Variants in ANO1 observed in about 807,000 individuals in gnomAD.
The protein encoded by ANO1 is anoctamin-1.
In ANO1, 59 loss-of-function variants were observed where a neutral mutation model predicts 124.0. The ratio of observed to expected loss-of-function variants is 0.48; its 90% CI spans 0.39 to 0.59. The LOEUF (loss-of-function observed/expected upper bound fraction) is 0.59. Ranked by LOEUF, ANO1 falls within the 20% of genes least tolerant of loss-of-function variation. The pLI, the probability that ANO1 is intolerant of heterozygous loss-of-function variation, is 0.00. For synonymous variants in ANO1, 529 were observed against 532.0 expected, an observed-to-expected ratio of 0.99 and a Z score of 0.08; for missense variants, 1,059 against 1,328.0, an observed-to-expected ratio of 0.80 and a Z score of 3.15.
intron 22 of ANO1, 90 bp from the exon 23 acceptor site, chr11:70,179,914 C>T (rs1308291414): frequency 8.1e-6 from 10 of 1,237,898 alleles, no homozygotes; most frequent in Admixed American, 1.7e-5. Context: ...CTGGCCCCTG[C>T]AAGGGTGGTA....
chr11:69,985,450 C>G (rs1856019005), upstream of ANO1, among the ~76,000 whole-genome samples: 1 of 152,194 alleles, frequency 6.6e-6, no homozygotes, highest in Admixed American at 6.5e-5. Context: ...CCTCGTGTGA[C>G]AAATTGACAG....
intron 8 of ANO1, among the ~76,000 whole-genome samples, chr11:70,120,285 C>T (rs934414322): frequency 1.3e-5 from 2 of 152,080 alleles, no homozygotes; most frequent in Non-Finnish European, 2.9e-5. Context: ...TGTAGGAGTA[C>T]TTGGGAGCCC....
At chr11:70,075,277 G>A (rs1351774338), upstream of ANO1, 1 of 152,134 alleles carries the variant, frequency 6.6e-6, no homozygotes, top group Non-Finnish European at 1.5e-5. Flanking sequence ...CCTCCTACCA[G>A]GAAGCCACCC....
At chr11:69,991,829 A>G (rs1011172656) in intron 1 of ANO1, among the ~76,000 whole-genome samples, 1 of 152,222 alleles carries the variant, frequency 6.6e-6, no homozygotes, top group African/African-American at 2.4e-5. Flanking sequence ...AGTGCAGTCT[A>G]TGCAGCTTTA....
intron 1 of ANO1, among the ~76,000 whole-genome samples, chr11:70,018,968 CCAT>C (rs1175397754): frequency 6.6e-6 from 1 of 152,198 alleles, no homozygotes; most frequent in Non-Finnish European, 1.5e-5. Flanking sequence ...CAGTTAGAGT[CCAT>C]GGAAGGGAGA....
intron 19 of ANO1, among the ~76,000 whole-genome samples, chr11:70,164,335 C>T (rs1160436358): frequency 6.6e-6 from 1 of 152,212 alleles, no homozygotes; most frequent in Admixed American, 6.5e-5. Flanking sequence ...GATTATCTGG[C>T]TGTCTGGAGT....
At chr11:70,003,119 G>A (rs1565157998) in intron 1 of ANO1, among the ~76,000 whole-genome samples, 1 of 152,092 alleles carries the variant, frequency 6.6e-6, no homozygotes, top group East Asian at 1.9e-4. Flanking sequence ...ATAAAGAATT[G>A]TTTTTATCAC....
At chr11:70,029,633 T>A (rs1555003596) in intron 1 of ANO1, among the ~76,000 whole-genome samples, 1 of 152,224 alleles carries the variant, frequency 6.6e-6, no homozygotes, top group Non-Finnish European at 1.5e-5. Flanking sequence ...AGGGACAGTG[T>A]GTGTCCCGCT....
chr11:69,983,351 A>G (rs1554996493), upstream of ANO1, among the ~76,000 whole-genome samples: 2 of 152,186 alleles, frequency 1.3e-5, no homozygotes, highest in African/African-American at 4.8e-5. Context: ...CTCGCCAAAA[A>G]GGGAAACCAT....
At chr11:69,978,346 T>A in the ANO1 span, among the ~76,000 whole-genome samples, 1 of 152,084 alleles carries the variant, frequency 6.6e-6, no homozygotes, top group African/African-American at 2.4e-5. Flanking sequence ...TTTTTTCTTG[T>A]TTTTTGGTTT....
At chr11:70,063,192 TATAGGCGTGAGCCACCGCGCCCAGCCG>T (rs1200221474) in intron 1 of ANO1, among the ~76,000 whole-genome samples, 14 of 152,168 alleles carry the variant, frequency 9.2e-5, no homozygotes, top group African/African-American at 3.4e-4. Context: ...GTGCTGGGAT[TATAGGCGTGAGCCACCGCGCCCAGCCG>T]ATAATGATTT....
chr11:69,990,676 C>A (rs1450545047), intron 1 of ANO1, among the ~76,000 whole-genome samples: 2 of 152,202 alleles, frequency 1.3e-5, no homozygotes, highest in African/African-American at 4.8e-5. Flanking sequence ...TTAATTACAG[C>A]AATCCTGTGG....
chr11:70,013,434 G>A (rs1856637210), intron 1 of ANO1, among the ~76,000 whole-genome samples: 1 of 152,060 alleles, frequency 6.6e-6, no homozygotes. Context: ...ATAGAGAAAA[G>A]CACACATGTC....
the ANO1 span, among the ~76,000 whole-genome samples, chr11:69,980,611 A>T: frequency 1.3e-5 from 2 of 151,250 alleles, no homozygotes; most frequent in Non-Finnish European, 2.9e-5. Flanking sequence ...ACAGAGTAAG[A>T]CTGTCTCAAA....
intron 9 of ANO1, among the ~76,000 whole-genome samples, chr11:70,125,129 G>A (rs989633530): frequency 6.6e-6 from 1 of 151,810 alleles, no homozygotes; most frequent in African/African-American, 2.4e-5. Flanking sequence ...GATTACTTGA[G>A]GTCAGGAGTT....
chr11:70,079,646 T>A (rs1051999850), intron 1 of ANO1, among the ~76,000 whole-genome samples: 12 of 152,014 alleles, frequency 7.9e-5, no homozygotes, highest in African/African-American at 2.9e-4. Context: ...GGACAGAAGC[T>A]CCCTTCTACC....
At chr11:70,065,549 C>T (rs1268354037) in intron 1 of ANO1, among the ~76,000 whole-genome samples, 1 of 151,862 alleles carries the variant, frequency 6.6e-6, no homozygotes, top group African/African-American at 2.4e-5. Context: ...GCCTGGCCTT[C>T]CCAACTTCCT....
the ANO1 span, among the ~76,000 whole-genome samples, chr11:69,977,028 G>C: frequency 6.6e-6 from 1 of 152,214 alleles, no homozygotes; most frequent in East Asian, 1.9e-4. Context: ...GCCAGCCCCA[G>C]GCGGTCTGAT....
chr11:70,033,311 G>A (rs1857036846), intron 1 of ANO1, among the ~76,000 whole-genome samples: 2 of 152,310 alleles, frequency 1.3e-5, no homozygotes, highest in Middle Eastern at 3.4e-3. Flanking sequence ...GCTCTTCTCT[G>A]TGGTTCCAAC....
Sources: allele counts gnomAD v4.1 joint callset (sites outside exome capture counted in the v4.1 genomes callset), GRCh38; gene constraint gnomAD v4.1.1; transcripts MANE v1.5; gene names NCBI Gene and HGNC (gene_info 2026-07-23, HGNC 2026-07-21).